Variants in MAMLD1 observed in about 807,000 individuals in gnomAD.
MAMLD1 encodes the protein mastermind-like domain-containing protein 1.
A neutral mutation model predicts 45.0 loss-of-function variants in MAMLD1; 14 were observed. The ratio of observed to expected loss-of-function variants is 0.31; its 90% CI spans 0.21 to 0.49. MAMLD1 has a LOEUF of 0.49. MAMLD1 is among the 20% of genes least tolerant of loss of function. The pLI is 0.99. For synonymous variants in MAMLD1, 254 were observed against 247.8 expected, an observed-to-expected ratio of 1.02 and a Z score of -0.24; for missense variants, 543 against 603.6, an observed-to-expected ratio of 0.90 and a Z score of 1.05.
chrX:150,489,541 G>A (rs963805071), intron 5 of MAMLD1, among the ~76,000 whole-genome samples: 5 of 107,707 alleles, frequency 4.6e-5, no homozygotes, highest in African/African-American at 1.7e-4. Flanking sequence ...CAAATACTAG[G>A]TAGGTGCAAA....
In MAMLD1 at chrX:150,470,295, C is replaced by T; in HGVS notation, c.722C>T (p.Ser241Phe). 8.3e-7 allele frequency: 1 copy of T among 1,208,667 alleles called. No individual in the cohort carries two copies. The highest frequency in any genetic ancestry group is 2.2e-5 in the Admixed American group (1 of 45,889). The change falls in exon 4 of 8, where the codon TCT becomes TTT. Residue 241 changes from serine (S) to phenylalanine (F), a missense_variant. Coordinates refer to ENST00000370401, the MANE Select transcript of MAMLD1 (RefSeq NM_005491.5). ...ESLASSKEFA[S>F]SCSQVTGMSL... The stretch of plus-strand genomic sequence containing the variant: ...CTGGCTTCCAGCAAGGAGTTTGCTT[C>T]TAGTTGCAGCCAAGTTACTGGCATG...
chrX:150,425,240 A>G (rs1444271375), intron 1 of MAMLD1, among the ~76,000 whole-genome samples: 13 of 111,346 alleles, frequency 1.2e-4, no homozygotes, highest in East Asian at 2.8e-4. Flanking sequence ...TCTGTTTTCA[A>G]TCCTCTTGGG....
At chrX:150,421,302 G>A (rs2034503884) in intron 1 of MAMLD1, among the ~76,000 whole-genome samples, 1 of 112,057 alleles carries the variant, frequency 8.9e-6, no homozygotes, top group African/African-American at 3.2e-5. Flanking sequence ...GCTCGCGCAC[G>A]GTGCACGCAC....
chrX:150,363,744 G>C (rs2031159291), intron 1 of MAMLD1, among the ~76,000 whole-genome samples: 3 of 112,552 alleles, frequency 2.7e-5, no homozygotes, highest in East Asian at 5.7e-4. Flanking sequence ...GGCGCAGCTC[G>C]AAACGCCGGA....
intron 5 of MAMLD1, among the ~76,000 whole-genome samples, chrX:150,485,080 A>C: frequency 9.0e-6 from 1 of 111,248 alleles, no homozygotes; most frequent in Non-Finnish European, 1.9e-5. Flanking sequence ...TTGTCCCAGT[A>C]GAGAGGAAAG....
At chrX:150,427,389 G>C (rs1388930240) in intron 1 of MAMLD1, among the ~76,000 whole-genome samples, 2 of 112,438 alleles carry the variant, frequency 1.8e-5, no homozygotes, top group African/African-American at 6.5e-5. Flanking sequence ...TCATTTGAAA[G>C]CAGGAGTTCT....
chrX:150,373,485 CA>C (rs2032142288), intron 1 of MAMLD1, among the ~76,000 whole-genome samples: 4 of 111,153 alleles, frequency 3.6e-5, no homozygotes, highest in Non-Finnish European at 5.7e-5. Flanking sequence ...CACACACACA[CA>C]CACAGGTACA....
chrX:150,454,056 A>G (rs2035760724), intron 2 of MAMLD1, among the ~76,000 whole-genome samples: 1 of 111,941 alleles, frequency 8.9e-6, no homozygotes, highest in Admixed American at 9.4e-5. Context: ...CCCCCTAGGC[A>G]GCCCTGCCTG....
intron 1 of MAMLD1, among the ~76,000 whole-genome samples, chrX:150,412,821 C>T (rs1413622770): frequency 9.1e-6 from 1 of 110,487 alleles, no homozygotes; most frequent in African/African-American, 3.3e-5. Context: ...GGGCTCAGGT[C>T]ATCCTCCCAC....
At chrX:150,457,684 C>T (rs1489999757) in intron 2 of MAMLD1, among the ~76,000 whole-genome samples, 22 of 111,618 alleles carry the variant, frequency 2.0e-4, no homozygotes, top group Non-Finnish European at 9.4e-5. Flanking sequence ...ATGGATGAGC[C>T]CAGAAAACAT....
At chrX:150,443,963 A>T (rs1263139556) in intron 1 of MAMLD1, among the ~76,000 whole-genome samples, 4 of 112,175 alleles carry the variant, frequency 3.6e-5, no homozygotes, top group Admixed American at 9.4e-5. Flanking sequence ...TGCTACTGAA[A>T]CTTGGGCATT....
At chrX:150,427,533 T>A (rs1477371767) in intron 1 of MAMLD1, among the ~76,000 whole-genome samples, 9 of 111,680 alleles carry the variant, frequency 8.1e-5, no homozygotes, top group Non-Finnish European at 1.7e-4. Context: ...TGGCCTCACC[T>A]CAGAACTTTT....
chrX:150,423,614 A>G (rs201006576), intron 1 of MAMLD1, among the ~76,000 whole-genome samples: 1 of 101,642 alleles, frequency 9.8e-6, no homozygotes, highest in Non-Finnish European at 2.0e-5. Context: ...AAGAGAGAGA[A>G]AGAGAGAGAG....
chrX:150,404,051 A>AAGGAAGGAAGGAAGGAAGGAAGGAAGG (rs1557402598), intron 1 of MAMLD1, among the ~76,000 whole-genome samples: 1 of 87,380 alleles, frequency 1.1e-5, no homozygotes, highest in African/African-American at 4.5e-5. Flanking sequence ...GGAAGGAAGG[A>AAGGAAGGAAGGAAGGAAGGAAGGAAGG]AAGGAAGGAA....
intron 3 of MAMLD1, among the ~76,000 whole-genome samples, chrX:150,466,728 G>A (rs1445153259): frequency 3.6e-5 from 4 of 112,106 alleles, no homozygotes; most frequent in Non-Finnish European, 5.6e-5. Context: ...ATGAGTGCTG[G>A]AAAAGGTGTG....
At chrX:150,473,566 G>C in intron 4 of MAMLD1, 114 bp from the exon 5 acceptor site, 5 of 691,632 alleles carry the variant, frequency 7.2e-6, no homozygotes, top group Non-Finnish European at 1.2e-5. Context: ...GCTCCCATGG[G>C]GGTGGCCGGG....
At chrX:150,431,845 T>C (rs1224557013) in intron 1 of MAMLD1, among the ~76,000 whole-genome samples, 1 of 111,300 alleles carries the variant, frequency 9.0e-6, no homozygotes, top group Non-Finnish European at 1.9e-5. Context: ...GTTGATTCCA[T>C]GTATATGCTA....
intron 1 of MAMLD1, among the ~76,000 whole-genome samples, chrX:150,402,682 A>T (rs2033826070): frequency 8.9e-6 from 1 of 112,296 alleles, no homozygotes; most frequent in Non-Finnish European, 1.9e-5. Flanking sequence ...CAAATGTCCA[A>T]CAGTGATAGA....
At chrX:150,405,890 G>T (rs2033982011) in intron 1 of MAMLD1, among the ~76,000 whole-genome samples, 2 of 110,889 alleles carry the variant, frequency 1.8e-5, no homozygotes, top group Admixed American at 9.6e-5. Context: ...AAGAATGCCA[G>T]ACCTGGAGTC....
Sources: allele counts gnomAD v4.1 joint callset (sites outside exome capture counted in the v4.1 genomes callset), GRCh38; gene constraint gnomAD v4.1.1; transcripts MANE v1.5; gene names NCBI Gene and HGNC (gene_info 2026-07-23, HGNC 2026-07-21).